The following FADS2 variants were observed in gnomAD, a reference collection of about 807,000 sequenced individuals.
FADS2 encodes acyl-CoA 6-desaturase.
In FADS2, 18 loss-of-function variants were observed where a neutral mutation model predicts 61.2. The ratio of observed to expected loss-of-function variants is 0.29; its 90% CI spans 0.20 to 0.44. The LOEUF is 0.44. Among genes scored for constraint, FADS2 ranks in the 20% least tolerant of loss-of-function variants. The pLI, the probability that FADS2 is intolerant of heterozygous loss-of-function variation, is 1.00. For missense variants in FADS2, 322 were observed against 572.7 expected (o/e 0.56, Z 4.47); for synonymous variants, 203 against 223.9 (o/e 0.91, Z 0.83).
intron 1 of FADS2, among the ~76,000 whole-genome samples, chr11:61,817,486 C>T (rs1434015936): frequency 6.6e-6 from 1 of 152,158 alleles, no homozygotes; most frequent in African/African-American, 2.4e-5. Context: ...TTCAATGAAA[C>T]ATTTAAAATG....
At chr11:61,828,010 C>T, upstream of FADS2, 1 of 1,108,464 alleles carries the variant, frequency 9.0e-7, no homozygotes, top group Non-Finnish European at 1.1e-6. This position sits in a 1 kb window ranked among gnomAD's most constrained non-coding sequence, Gnocchi z 6.4. Flanking sequence ...GAAACTCGGG[C>T]GGCGGGGAAC....
Position 61,828,977 on chromosome 11 carries a change from C to T in FADS2, c.207+380C>T, listed in dbSNP as rs1319890762. ...TGGCGCCCCCAGCGGGGAAGATGGCCGCCCCTGCGCGCCGCTGAAAGGAGC... is the reference window on the plus strand; with the variant it reads ...TGGCGCCCCCAGCGGGGAAGATGGCTGCCCCTGCGCGCCGCTGAAAGGAGC... On this transcript the variant is annotated intron_variant, in intron 1 of 11. Transcript: ENST00000278840. This position sits in a 1 kb window ranked among gnomAD's most constrained non-coding sequence, Gnocchi z 6.4. 6.6e-6 allele frequency among the ~76,000 whole-genome samples: 1 copy of T among 152,232 alleles called. No individual in the cohort carries two copies. The highest frequency in any genetic ancestry group is 1.5e-5 in the Non-Finnish European group (1 of 68,032).
At chr11:61,853,901 A>T (rs2067332469) in intron 5 of FADS2, among the ~76,000 whole-genome samples, 1 of 152,074 alleles carries the variant, frequency 6.6e-6, no homozygotes, top group East Asian at 1.9e-4. Context: ...ATTTTGTTCC[A>T]AAGCTGAAAG....
chr11:61,824,320 TG>T (rs2067052842), upstream of FADS2, among the ~76,000 whole-genome samples: 1 of 148,530 alleles, frequency 6.7e-6, no homozygotes, highest in Non-Finnish European at 1.5e-5. Flanking sequence ...AGGCAGAGGT[TG>T]CAGTGAGCCA....
chr11:61,865,854 T>A lies in FADS2; in HGVS notation c.*165T>A, dbSNP rs1449117245. 1.6e-6 allele frequency: 1 copy of A among 633,872 alleles called. No homozygotes were observed. Among genetic ancestry groups the A allele is most frequent in the Non-Finnish European group, 2.8e-6 (1 of 356,206 alleles). 39.3% of individuals were successfully genotyped at this position (633,872 alleles called of 1,614,324 possible). The stretch of plus-strand genomic sequence containing the variant: ...TTCTCCTCTCCTTTTTCTCTTCACA[T>A]CTCCCCCATAGCACCCTGCCCTCAT... On this transcript the variant is annotated 3_prime_UTR_variant, in exon 12 of 12. Coordinates refer to ENST00000278840, the MANE Select transcript of FADS2 (RefSeq NM_004265.4). This position sits in a 1 kb window ranked among gnomAD's most constrained non-coding sequence, Gnocchi z 4.1.
At chr11:61,830,755 A>G (rs1332721200) in intron 1 of FADS2, among the ~76,000 whole-genome samples, 5 of 152,144 alleles carry the variant, frequency 3.3e-5, no homozygotes, top group African/African-American at 9.7e-5. Context: ...CCATCTCCTC[A>G]TCTATAAGGT....
intron 1 of FADS2, among the ~76,000 whole-genome samples, chr11:61,818,711 A>G (rs758020724): frequency 6.6e-6 from 1 of 152,236 alleles, no homozygotes; most frequent in East Asian, 1.9e-4. Context: ...GATTACAACT[A>G]TATAAGAAAT....
intron 1 of FADS2, among the ~76,000 whole-genome samples, chr11:61,817,415 C>T (rs980486892): frequency 1.3e-5 from 2 of 152,190 alleles, no homozygotes; most frequent in Admixed American, 1.3e-4. Flanking sequence ...TTGTGAACAG[C>T]ATATTTACGG....
chr11:61,838,131 C>T (rs1313217573), intron 2 of FADS2, among the ~76,000 whole-genome samples: 1 of 152,160 alleles, frequency 6.6e-6, no homozygotes, highest in Non-Finnish European at 1.5e-5. Flanking sequence ...TCCTTCTCCT[C>T]CATCCCTTTC....
At chr11:61,819,195 T>C (rs1394677382) in intron 1 of FADS2, among the ~76,000 whole-genome samples, 4 of 152,114 alleles carry the variant, frequency 2.6e-5, no homozygotes, top group African/African-American at 9.7e-5. Context: ...ATGTTTTGAA[T>C]ACTGAAGAGA....
upstream of FADS2, among the ~76,000 whole-genome samples, chr11:61,824,055 G>A (rs575318071): frequency 6.6e-6 from 1 of 152,140 alleles, no homozygotes; most frequent in Non-Finnish European, 1.5e-5. Flanking sequence ...TGTCCTTTGA[G>A]CCTCGTTATT....
At chr11:61,853,755 C>G (rs1233931261) in intron 5 of FADS2, among the ~76,000 whole-genome samples, 1 of 152,184 alleles carries the variant, frequency 6.6e-6, no homozygotes, top group Non-Finnish European at 1.5e-5. Flanking sequence ...CCATTCTGCT[C>G]CTGCTGGGGA....
At chr11:61,844,278 C>T (rs918718606) in intron 4 of FADS2, among the ~76,000 whole-genome samples, 1 of 152,106 alleles carries the variant, frequency 6.6e-6, no homozygotes, top group Non-Finnish European at 1.5e-5. Flanking sequence ...TAAGACCGGG[C>T]GAGGTGGCTT....
chr11:61,853,239 T>C (rs199946174), intron 5 of FADS2, among the ~76,000 whole-genome samples: 5 of 118,120 alleles, frequency 4.2e-5, no homozygotes, highest in South Asian at 2.5e-4. Context: ...TTCTCTTTCT[T>C]TCTTTCTCTC....
chr11:61,851,712 C>T (rs1280993415), intron 5 of FADS2, among the ~76,000 whole-genome samples: 5 of 152,226 alleles, frequency 3.3e-5, no homozygotes, highest in East Asian at 1.9e-4. Flanking sequence ...GCAAGGATGC[C>T]GGCCAGGGCT....
At chr11:61,861,727 G>A (rs997072819) in intron 7 of FADS2, among the ~76,000 whole-genome samples, 7 of 152,170 alleles carry the variant, frequency 4.6e-5, no homozygotes, top group Admixed American at 3.3e-4. Context: ...CTCCTTTCCT[G>A]TTCAGCTGCT....
intron 4 of FADS2, among the ~76,000 whole-genome samples, chr11:61,842,042 C>T (rs1209874234): frequency 1.3e-5 from 2 of 152,220 alleles, no homozygotes; most frequent in African/African-American, 4.8e-5. Flanking sequence ...TAGACTATCC[C>T]CATCCCAGCC....
chr11:61,825,903 T>C, upstream of FADS2: 1 of 592,732 alleles, frequency 1.7e-6, no homozygotes, highest in East Asian at 2.8e-5. Flanking sequence ...AAAAAAAAAT[T>C]AGAGGGCAGG....
chr11:61,834,964 G>C (rs1428195889), intron 1 of FADS2, among the ~76,000 whole-genome samples: 1 of 149,108 alleles, frequency 6.7e-6, no homozygotes, highest in Non-Finnish European at 1.5e-5. Context: ...CCCGCACCCT[G>C]GGCCTCCTCC....
Sources: gnomAD v4.1 joint callset for allele counts (sites outside exome capture counted in the v4.1 genomes callset) on GRCh38, gnomAD v4.1.1 for gene constraint, Gnocchi (gnomAD v3.1) non-coding constraint, MANE v1.5 for transcripts, NCBI Gene and HGNC (gene_info 2026-07-23, HGNC 2026-07-21) for gene names.